Variants in SCN10A observed in about 807,000 individuals in gnomAD.
SCN10A encodes sodium voltage-gated channel alpha subunit 10, also known as sodium channel protein type 10 subunit alpha.
SCN10A carries 162 observed loss-of-function variants against 170.7 expected under a neutral mutation model. The ratio of observed to expected loss-of-function variants is 0.95; its 90% CI spans 0.84 to 1.08. The LOEUF (loss-of-function observed/expected upper bound fraction) is 1.08, where lower values mean the gene tolerates loss of function less well. Among genes scored for constraint, SCN10A ranks in the 50% least tolerant of loss-of-function variants. The pLI is 0.00. For synonymous variants in SCN10A, 985 were observed against 904.6 expected (o/e 1.09, Z -1.59); for missense variants, 2,527 against 2,436.9 (o/e 1.04, Z -0.78).
intron 4 of SCN10A, among the ~76,000 whole-genome samples, chr3:38,784,285 C>T (rs899444264): frequency 2.6e-5 from 4 of 152,030 alleles, no homozygotes; most frequent in Non-Finnish European, 5.9e-5. Context: ...TTATCCACCA[C>T]GATCAAGTCG....
intron 17 of SCN10A, among the ~76,000 whole-genome samples, chr3:38,725,978 C>T (rs1339145664): frequency 6.6e-6 from 1 of 152,196 alleles, no homozygotes; most frequent in African/African-American, 2.4e-5. Context: ...CCTGCATGTT[C>T]CTGAGGCCTC....
At chr3:38,807,519 C>A (rs1276763278) in intron 1 of SCN10A, among the ~76,000 whole-genome samples, 1 of 152,116 alleles carries the variant, frequency 6.6e-6, no homozygotes, top group Non-Finnish European at 1.5e-5. Flanking sequence ...ACATGACTGG[C>A]CGCTCTATTT....
chr3:38,702,215 C>G (rs1029981845), intron 26 of SCN10A, 106 bp from the exon 27 acceptor site: 20 of 1,230,598 alleles, frequency 1.6e-5, no homozygotes, highest in Non-Finnish European at 5.5e-6. Flanking sequence ...CACATCTTAA[C>G]AGAAGCGAAA....
At chr3:38,759,774 G>A (rs2063848213) in intron 8 of SCN10A, among the ~76,000 whole-genome samples, 1 of 152,162 alleles carries the variant, frequency 6.6e-6, no homozygotes, top group African/African-American at 2.4e-5. Flanking sequence ...TTTCCACATG[G>A]CAACCAAAAG....
intron 8 of SCN10A, among the ~76,000 whole-genome samples, chr3:38,758,462 A>G (rs1490391753): frequency 6.6e-6 from 1 of 152,256 alleles, no homozygotes; most frequent in Non-Finnish European, 1.5e-5. Context: ...AATATTGTAT[A>G]TAAACTGCAA....
chr3:38,790,388 G>A (rs2064265638), intron 3 of SCN10A, among the ~76,000 whole-genome samples: 1 of 151,806 alleles, frequency 6.6e-6, no homozygotes, highest in African/African-American at 2.4e-5. Context: ...TTTCTGTCCA[G>A]CTGTGACTCT....
intron 4 of SCN10A, 59 bp from the exon 5 acceptor site, chr3:38,771,466 C>G (rs1363420292): frequency 6.3e-7 from 1 of 1,583,510 alleles, no homozygotes; most frequent in East Asian, 2.2e-5. Context: ...TCAGGGGGTT[C>G]CTTCTTCCAG....
At chr3:38,732,971 A>G (rs2063526337) in intron 15 of SCN10A, among the ~76,000 whole-genome samples, 1 of 152,214 alleles carries the variant, frequency 6.6e-6, no homozygotes. Flanking sequence ...TAAATTTTCC[A>G]ATTAAATGAA....
At chr3:38,808,716 T>C (rs1159867634) in intron 1 of SCN10A, among the ~76,000 whole-genome samples, 1 of 152,172 alleles carries the variant, frequency 6.6e-6, no homozygotes, top group Non-Finnish European at 1.5e-5. Context: ...ATTGTTCCCA[T>C]GCCCCAAAGA....
chr3:38,714,020 C>T lies in SCN10A; in HGVS notation c.3742G>A (p.Ala1248Thr), dbSNP rs764555780. 6.2e-7 allele frequency: 1 copy of T among 1,614,046 alleles called. No individual in the cohort carries two copies. Among genetic ancestry groups the T allele is most frequent in the Non-Finnish European group, 8.5e-7 (1 of 1,180,054 alleles). The part of the protein sequence containing the change: ...LEYSEVAPIK[A>T]LRTLRALRPL... ...CGCAGAGCGCGAAGGGTTCGAAGGG[C>T]TTTGATGGGAGCCACTTCAGAATAT... Residue 1248 changes from alanine (A) to threonine (T), a missense_variant, in exon 22 of 28, where the codon GCC (alanine) becomes ACC (threonine). Physicochemically the swap from Ala to Thr is moderately conservative, Grantham distance 58. Coordinates refer to ENST00000449082, the MANE Select transcript of SCN10A (RefSeq NM_006514.4).
At chr3:38,798,304 T>C (rs562278664) in intron 1 of SCN10A, among the ~76,000 whole-genome samples, 1 of 152,266 alleles carries the variant, frequency 6.6e-6, no homozygotes, top group East Asian at 1.9e-4. Context: ...CCTGGGATTT[T>C]AACTCTACAG....
At chr3:38,790,469 G>A (rs1180159691) in intron 3 of SCN10A, among the ~76,000 whole-genome samples, 5 of 151,696 alleles carry the variant, frequency 3.3e-5, no homozygotes, top group Non-Finnish European at 7.4e-5. Context: ...TTCTTTTTAG[G>A]GGATTTTATT....
intron 18 of SCN10A, among the ~76,000 whole-genome samples, chr3:38,724,000 G>A (rs554252787): frequency 2.0e-5 from 3 of 152,302 alleles, no homozygotes; most frequent in African/African-American, 4.8e-5. Flanking sequence ...CTGCCTAGCC[G>A]GGGTCATGGA....
chr3:38,763,450 A>G, intron 6 of SCN10A, 55 bp downstream of exon 6: 2 of 1,345,670 alleles, frequency 1.5e-6, no homozygotes, highest in Non-Finnish European at 2.1e-6. Flanking sequence ...TGTGAAAATT[A>G]GAGAAGGGAG....
chr3:38,767,486 C>G (rs1249868023), intron 5 of SCN10A, among the ~76,000 whole-genome samples: 2 of 151,948 alleles, frequency 1.3e-5, no homozygotes, highest in African/African-American at 4.8e-5. Flanking sequence ...ATCTTGATTT[C>G]ATTGTTGACC....
At chr3:38,704,383 C>A (rs762105442) in intron 26 of SCN10A, among the ~76,000 whole-genome samples, 1 of 152,174 alleles carries the variant, frequency 6.6e-6, no homozygotes, top group Non-Finnish European at 1.5e-5. Flanking sequence ...GGTCACATGA[C>A]TTCTAATTAA....
rs1553616744 is a variant in SCN10A at position 38,726,790 on chromosome 3, CT to C, written c.2902del (p.Arg968GlyfsTer57). The C allele has an allele frequency of 3.7e-6, 6 of 1,611,432 alleles. No homozygotes were observed. The highest frequency in any genetic ancestry group is 1.3e-5 in the African/African-American group (1 of 75,004). The stretch of plus-strand genomic sequence containing the variant: ...AGCTTGGAGCCCTCCAGAGCTCCCC[CT>C]GGCAGTGTTGGCAGCAATGTGGTTC... ...AENHIAANTA[R>X]GSSGGLQAPR... On this transcript the variant is annotated frameshift_variant, in exon 17 of 28. Coordinates refer to ENST00000449082, the MANE Select transcript of SCN10A (RefSeq NM_006514.4). LOFTEE classifies it high-confidence loss of function.
chr3:38,782,713 C>T (rs957028844), intron 4 of SCN10A, among the ~76,000 whole-genome samples: 1 of 152,050 alleles, frequency 6.6e-6, no homozygotes, highest in South Asian at 2.1e-4. Context: ...TGTGATTTCT[C>T]TACTTAGTAA....
At chr3:38,778,851 C>A (rs1435039966) in intron 4 of SCN10A, among the ~76,000 whole-genome samples, 1 of 152,050 alleles carries the variant, frequency 6.6e-6, no homozygotes, top group East Asian at 1.9e-4. Context: ...TGAACATCAT[C>A]CAATACCTGT....
Sources: gnomAD v4.1 joint callset for allele counts (sites outside exome capture counted in the v4.1 genomes callset) on GRCh38, gnomAD v4.1.1 for gene constraint, MANE v1.5 for transcripts, NCBI Gene and HGNC (gene_info 2026-07-23, HGNC 2026-07-21) for gene names.